CNN3: variants seen among roughly 807,000 people sequenced by gnomAD.
CNN3 encodes calponin-3.
A neutral mutation model predicts 39.0 loss-of-function variants in CNN3; 11 were observed. The observed-to-expected ratio is 0.28, with a 90% CI of 0.18 to 0.47. The LOEUF is 0.47. CNN3 is among the 20% of genes least tolerant of loss of function. CNN3 has a pLI of 0.99. For missense variants in CNN3, 266 were observed against 403.4 expected, an observed-to-expected ratio of 0.66 and a Z score of 2.92; for synonymous variants, 101 against 138.3, an observed-to-expected ratio of 0.73 and a Z score of 1.89.
chr1:94,908,715 A>T (rs1671081204), intron 1 of CNN3, among the ~76,000 whole-genome samples: 1 of 151,966 alleles, frequency 6.6e-6, no homozygotes. Flanking sequence ...TAATTTTTGT[A>T]TTTTTAGTAG....
At chr1:94,911,526 C>T (rs1190719928) in intron 1 of CNN3, among the ~76,000 whole-genome samples, 1 of 152,190 alleles carries the variant, frequency 6.6e-6, no homozygotes, top group African/African-American at 2.4e-5. Context: ...CTCACACCAG[C>T]AATTTGGGAG....
intron 1 of CNN3, among the ~76,000 whole-genome samples, chr1:94,911,048 T>C (rs1245831965): frequency 6.6e-6 from 1 of 152,210 alleles, no homozygotes; most frequent in Non-Finnish European, 1.5e-5. Context: ...TTTTTCAGAT[T>C]GTTGCTGACA....
chr1:94,914,724 C>T (rs1230015440), intron 1 of CNN3, among the ~76,000 whole-genome samples: 1 of 152,144 alleles, frequency 6.6e-6, no homozygotes, highest in Admixed American at 6.5e-5. Context: ...GGTGGCTTTA[C>T]ACAACCAGCT....
intron 1 of CNN3, among the ~76,000 whole-genome samples, chr1:94,907,970 C>T (rs183076578): frequency 7.2e-5 from 11 of 152,356 alleles, no homozygotes; most frequent in East Asian, 3.9e-4. Flanking sequence ...AAGCTGCTTT[C>T]GCAGACTTTC....
intron 1 of CNN3, among the ~76,000 whole-genome samples, chr1:94,925,372 G>T (rs1400080220): frequency 6.6e-6 from 1 of 152,214 alleles, no homozygotes; most frequent in African/African-American, 2.4e-5. Context: ...ACAGTAACTT[G>T]TTACAAACTT....
At chr1:94,912,650 T>C (rs1671195671) in intron 1 of CNN3, among the ~76,000 whole-genome samples, 2 of 152,186 alleles carry the variant, frequency 1.3e-5, no homozygotes, top group Non-Finnish European at 2.9e-5. Flanking sequence ...TGATACATAG[T>C]GGGCACTCAA....
intron 1 of CNN3, among the ~76,000 whole-genome samples, chr1:94,911,335 T>A (rs973234216): frequency 6.6e-6 from 1 of 152,202 alleles, no homozygotes; most frequent in African/African-American, 2.4e-5. Context: ...CAGGTCCTCC[T>A]CTCAGAGGTA....
At chr1:94,914,646 T>C (rs1671239627) in intron 1 of CNN3, among the ~76,000 whole-genome samples, 1 of 152,176 alleles carries the variant, frequency 6.6e-6, no homozygotes, top group Non-Finnish European at 1.5e-5. Flanking sequence ...GGAGTCTAGA[T>C]CCAGGTCTAG....
intron 1 of CNN3, among the ~76,000 whole-genome samples, chr1:94,918,195 T>TAGAA (rs1313727211): frequency 6.6e-6 from 1 of 152,096 alleles, no homozygotes; most frequent in African/African-American, 2.4e-5. Context: ...TGCCCAGTTG[T>TAGAA]AGAAAGGACT....
intron 1 of CNN3, among the ~76,000 whole-genome samples, chr1:94,925,217 A>T (rs1671546304): frequency 6.6e-6 from 1 of 152,224 alleles, no homozygotes; most frequent in African/African-American, 2.4e-5. Flanking sequence ...TAGAGACTCA[A>T]CTGCTGCCAG....
In CNN3 at chr1:94,926,353, A is replaced by C. The variant is rs947760648; in HGVS notation, c.57+485T>G. On this transcript the variant is annotated intron_variant, in intron 1 of 6. Coordinates refer to ENST00000370206, the MANE Select transcript of CNN3 (RefSeq NM_001839.5). This position sits in a 1 kb window ranked among gnomAD's most constrained non-coding sequence, Gnocchi z 4.2. Reference sequence around the variant, plus strand: ...GGGCCCCTGGGGTCGGCGGGACATTAGGCGGTCTCTCTCCCCGTGGGGAGG... The same window carrying C: ...GGGCCCCTGGGGTCGGCGGGACATTCGGCGGTCTCTCTCCCCGTGGGGAGG... Among the ~76,000 whole-genome samples, 133 of 151,956 alleles carry C rather than the reference A, an allele frequency of 8.8e-4. No homozygotes were observed. Among genetic ancestry groups the C allele is most frequent in the Non-Finnish European group, 1.6e-3 (106 of 67,972 alleles).
At chr1:94,922,380 C>T (rs1406498741) in intron 1 of CNN3, among the ~76,000 whole-genome samples, 2 of 152,156 alleles carry the variant, frequency 1.3e-5, no homozygotes, top group African/African-American at 2.4e-5. Flanking sequence ...AAAATCTATT[C>T]CCGATGAATA....
At chr1:94,925,830 A>G in intron 1 of CNN3, 1 of 985,270 alleles carries the variant, frequency 1.0e-6, no homozygotes, top group African/African-American at 1.7e-5. Context: ...CAGAAAGGAG[A>G]CAATGAGCGT....
chr1:94,923,103 T>C (rs933586397), intron 1 of CNN3, among the ~76,000 whole-genome samples: 1 of 152,226 alleles, frequency 6.6e-6, no homozygotes, highest in Admixed American at 6.5e-5. Flanking sequence ...GCTCTAAACC[T>C]GATGAAGACA....
In CNN3 at chr1:94,903,504, A is replaced by T. The variant is rs771780236; in HGVS notation, c.78T>A (p.His26Gln). The T allele has an allele frequency of 6.2e-7, 1 of 1,614,036 alleles. No homozygotes were observed. The highest frequency in any genetic ancestry group is 1.7e-5 in the Admixed American group (1 of 60,002). The change falls in exon 2 of 7, where the codon CAT (histidine) becomes CAA (glutamine). Residue 26 changes from histidine (H) to glutamine (Q), a missense_variant. By Grantham distance (24) the His-to-Gln change is conservative. Coordinates refer to ENST00000370206, the MANE Select transcript of CNN3 (RefSeq NM_001839.5). ...VKNKIASKYDHQAEEDLRNWI... is the reference protein window; with the variant it reads ...VKNKIASKYDQQAEEDLRNWI... The stretch of plus-strand genomic sequence containing the variant: ...AATTGCGAAGATCTTCTTCTGCCTG[A>T]TGATCATACTTGGAAGCAATCTGAA...
At chr1:94,913,698 G>A (rs946394072) in intron 1 of CNN3, among the ~76,000 whole-genome samples, 7 of 152,204 alleles carry the variant, frequency 4.6e-5, no homozygotes, top group African/African-American at 1.7e-4. Context: ...TGACCTGGAA[G>A]TTTAGGAGAG....
intron 1 of CNN3, among the ~76,000 whole-genome samples, chr1:94,907,239 T>C (rs922444071): frequency 6.6e-6 from 1 of 152,210 alleles, no homozygotes; most frequent in Non-Finnish European, 1.5e-5. Context: ...ACTGTTGGTG[T>C]GGGCTAAGGG....
chr1:94,902,245 C>A lies in CNN3; in HGVS notation c.260G>T (p.Gly87Val). The part of the protein sequence containing the change: ...SLNWPQLENI[G>V]NFIKAIQAYG... ...AGCCTGAATAGCTTTAATAAAGTTG[C>A]CAATATTCTCCAACTATAAAGAAGA... is the stretch of plus-strand genomic sequence containing the variant. Residue 87 changes from glycine to valine, a missense_variant, in exon 4 of 7, where the codon GGC becomes GTC. Coordinates refer to ENST00000370206, the MANE Select transcript of CNN3 (RefSeq NM_001839.5). 3 of 1,610,700 alleles carry A rather than the reference C, an allele frequency of 1.9e-6. No homozygotes were observed. Among genetic ancestry groups the A allele is most frequent in the Non-Finnish European group, 2.5e-6 (3 of 1,177,656 alleles).
intron 1 of CNN3, among the ~76,000 whole-genome samples, chr1:94,905,315 C>T (rs1334773291): frequency 1.3e-5 from 2 of 152,184 alleles, no homozygotes; most frequent in East Asian, 1.9e-4. Flanking sequence ...AAAAACATCC[C>T]GTTTCCCAGG....
Sources: allele counts gnomAD v4.1 joint callset (sites outside exome capture counted in the v4.1 genomes callset), GRCh38; gene constraint gnomAD v4.1.1; non-coding constraint Gnocchi (gnomAD v3.1); transcripts MANE v1.5; gene names NCBI Gene and HGNC (gene_info 2026-07-23, HGNC 2026-07-21).